CDH23: variants seen among roughly 807,000 people sequenced by gnomAD.
The protein encoded by CDH23 is cadherin-23.
In CDH23, 189 loss-of-function variants were observed where a neutral mutation model predicts 317.1. That is an observed-to-expected ratio of 0.60 (90% CI 0.53 to 0.67). CDH23 has a LOEUF of 0.67. CDH23 is among the 30% of genes least tolerant of loss of function. CDH23 has a pLI of 0.00. For missense variants in CDH23, 4,401 were observed against 4,592.4 expected (o/e 0.96, Z 1.20); for synonymous variants, 1,839 against 1,876.8 (o/e 0.98, Z 0.52).
At chr10:71,428,163 A>G (rs1480628086) in intron 1 of CDH23, among the ~76,000 whole-genome samples, 1 of 140,542 alleles carries the variant, frequency 7.1e-6, no homozygotes, top group Non-Finnish European at 1.5e-5. Flanking sequence ...TTTTTGAAAC[A>G]GAGTCTCATT....
At chr10:71,542,202 G>T (rs75664630) in intron 6 of CDH23, among the ~76,000 whole-genome samples, 1 of 152,172 alleles carries the variant, frequency 6.6e-6, no homozygotes, top group Non-Finnish European at 1.5e-5. Flanking sequence ...GAAAGGTGGC[G>T]TAGCTTAGTA....
At chr10:71,775,239 G>A (rs1840790183) in intron 38 of CDH23, among the ~76,000 whole-genome samples, 1 of 152,134 alleles carries the variant, frequency 6.6e-6, no homozygotes, top group Admixed American at 6.5e-5. Flanking sequence ...AAGTGAGGGG[G>A]GTCCCTTAAG....
At chr10:71,774,760 C>T (rs1351508766) in intron 38 of CDH23, among the ~76,000 whole-genome samples, 1 of 152,156 alleles carries the variant, frequency 6.6e-6, no homozygotes, top group Non-Finnish European at 1.5e-5. Context: ...GTTTTTCTGG[C>T]ACTTTAGGGA....
Position 71,687,717 on chromosome 10 carries a change from C to T in CDH23, c.2057C>T (p.Ala686Val), listed in dbSNP as rs2132694978. The T allele has an allele frequency of 6.2e-7, 1 of 1,613,586 alleles. No individual in the cohort carries two copies. Among genetic ancestry groups the T allele is most frequent in the Non-Finnish European group, 8.5e-7 (1 of 1,179,752 alleles). The change falls in exon 19 of 70, where the codon GCA becomes GTA. Residue 686 changes from alanine to valine, a missense_variant and splice_region_variant. Physicochemically the swap from Ala to Val is moderately conservative, Grantham distance 64. Transcript: ENST00000224721. ...GTCTCCGTGGTGGAGAACATCATGG[C>T]AGGTACAGGCTCAGGTCGGGGGGTG... ...YFVSVVENIM[A>V]GATVLFLNAT...
intron 3 of CDH23, among the ~76,000 whole-genome samples, chr10:71,479,074 C>T (rs1283406807): frequency 6.6e-6 from 1 of 152,086 alleles, no homozygotes; most frequent in Non-Finnish European, 1.5e-5. Context: ...GTCCTCAGAA[C>T]AGCCTTGAGA....
Position 71,812,396 on chromosome 10 carries a change from G to A in CDH23, c.9381-84G>A, listed in dbSNP as rs369141960. ...AAGGCACTATATGGCCAGGGAAATGGGCAGGATGTGGGGTGAGGCTGGAAG... is the reference window on the plus strand; with the variant it reads ...AAGGCACTATATGGCCAGGGAAATGAGCAGGATGTGGGGTGAGGCTGGAAG... On this transcript the variant is annotated intron_variant, in intron 66 of 69. Coordinates refer to ENST00000224721, the MANE Select transcript of CDH23 (RefSeq NM_022124.6). The A allele has an allele frequency of 3.7e-6, 6 of 1,606,622 alleles. 1 individual carries two copies. In the Middle Eastern group the frequency reaches 4.9e-4, roughly 133 times the overall value.
Position 71,790,431 on chromosome 10 carries a change from C to G in CDH23, c.6049+18C>G, listed in dbSNP as rs368967159. On this transcript the variant is annotated intron_variant, in intron 46 of 69. Coordinates refer to ENST00000224721, the MANE Select transcript of CDH23 (RefSeq NM_022124.6). ...CAGCACCGGTGAGGCCTCTGTGCCACCCAGCACTCCCAGCCTGATTCTGGG... is the reference window on the plus strand; with the variant it reads ...CAGCACCGGTGAGGCCTCTGTGCCAGCCAGCACTCCCAGCCTGATTCTGGG... 1.4e-4 allele frequency: 224 copies of G among 1,609,366 alleles called. No individual in the cohort carries two copies. In the African/African-American group the frequency reaches 2.8e-3, roughly 20 times the overall value.
chr10:71,700,703 T>TG (rs1589348459), intron 22 of CDH23, among the ~76,000 whole-genome samples: 1 of 151,384 alleles, frequency 6.6e-6, no homozygotes, highest in Non-Finnish European at 1.5e-5. Context: ...CTGGTGGGAG[T>TG]GGGGGCTGCC....
Position 71,590,891 on chromosome 10 carries a change from A to C in CDH23, c.832+12899A>C, listed in dbSNP as rs1461351365. Among the ~76,000 whole-genome samples, 252 of 143,328 alleles carry C rather than the reference A, an allele frequency of 1.8e-3. 4 individuals are homozygous for C. Among genetic ancestry groups the C allele is most frequent in the African/African-American group, 6.2e-3 (245 of 39,740 alleles). The allele number at this position is 143,328 out of a possible 152,430, so 94.0% of individuals were successfully genotyped here. On this transcript the variant is annotated intron_variant, in intron 9 of 69. Coordinates refer to ENST00000224721, the MANE Select transcript of CDH23 (RefSeq NM_022124.6). ...CTGTCTCTAAAAAAAAAAAAACAAAAAAAAACAAAAAAAAACACCAGTCTC... is the reference window on the plus strand; with the variant it reads ...CTGTCTCTAAAAAAAAAAAAACAAACAAAAACAAAAAAAAACACCAGTCTC...
chr10:71,815,338 CA>C lies in CDH23; in HGVS notation c.*62del. The C allele has an allele frequency of 1.4e-6, 2 of 1,457,274 alleles. No homozygotes were observed. Among genetic ancestry groups the C allele is most frequent in the Non-Finnish European group, 1.8e-6 (2 of 1,088,972 alleles). The allele number at this position is 1,457,274 out of a possible 1,614,324, so 90.3% of individuals were successfully genotyped here. On this transcript the variant is annotated 3_prime_UTR_variant, in exon 70 of 70. Coordinates refer to ENST00000224721, the MANE Select transcript of CDH23 (RefSeq NM_022124.6). ...CCATCCACCGTCCCCTCCCAGGGAGCAAGGGCAGGGACAGGGCCGGTCGGGG... is the reference window on the plus strand; with the variant it reads ...CCATCCACCGTCCCCTCCCAGGGAGCAGGGCAGGGACAGGGCCGGTCGGGG...
intron 11 of CDH23, among the ~76,000 whole-genome samples, chr10:71,638,646 C>T (rs973581948): frequency 2.6e-5 from 4 of 152,172 alleles, no homozygotes; most frequent in East Asian, 1.9e-4. Context: ...GGTTAAGTAG[C>T]GGAAATATCA....
At chr10:71,812,386 C>G (rs1449936329) in intron 66 of CDH23, 94 bp from the exon 67 acceptor site, 1 of 1,604,786 alleles carries the variant, frequency 6.2e-7, no homozygotes, top group Admixed American at 1.7e-5. Context: ...ACTATATGGC[C>G]AGGGAAATGG....
chr10:71,730,738 G>A, intron 31 of CDH23, 134 bp downstream of exon 31: 1 of 1,325,892 alleles, frequency 7.5e-7, no homozygotes, highest in Non-Finnish European at 1.0e-6. Context: ...CCAGGGAGGG[G>A]CTGCTGGGAT....
chr10:71,674,137 G>T (rs1214005861), intron 14 of CDH23, among the ~76,000 whole-genome samples: 1 of 152,188 alleles, frequency 6.6e-6, no homozygotes, highest in Non-Finnish European at 1.5e-5. Context: ...GGATAACTAA[G>T]ATCTTAATCC....
intron 6 of CDH23, among the ~76,000 whole-genome samples, chr10:71,548,670 T>C (rs1856421330): frequency 6.6e-6 from 1 of 152,166 alleles, no homozygotes; most frequent in African/African-American, 2.4e-5. Context: ...AGTAGTACAG[T>C]CCTCAGGGTA....
intron 8 of CDH23, among the ~76,000 whole-genome samples, chr10:71,574,106 C>T (rs772291078): frequency 7.9e-5 from 12 of 152,074 alleles, no homozygotes; most frequent in Non-Finnish European, 1.5e-4. Context: ...GGCCAGAGGA[C>T]CCCAGCACCC....
chr10:71,641,559 G>A (rs1862552593), intron 11 of CDH23, among the ~76,000 whole-genome samples: 1 of 152,208 alleles, frequency 6.6e-6, no homozygotes, highest in African/African-American at 2.4e-5. Flanking sequence ...TCAAAAGGTG[G>A]CTTCAGATCA....
chr10:71,814,273 G>C (rs1842043466), intron 69 of CDH23, among the ~76,000 whole-genome samples: 1 of 152,240 alleles, frequency 6.6e-6, no homozygotes, highest in Non-Finnish European at 1.5e-5. Context: ...TTCTCAGCCA[G>C]ATGTGGTGGC....
intron 52 of CDH23, 136 bp downstream of exon 52, chr10:71,799,765 C>A: frequency 1.7e-6 from 2 of 1,180,888 alleles, no homozygotes; most frequent in Non-Finnish European, 2.4e-6. Context: ...GGTTCTTTAG[C>A]CAAGTCAGCA....
Sources: gnomAD v4.1 joint callset for allele counts (sites outside exome capture counted in the v4.1 genomes callset) on GRCh38, gnomAD v4.1.1 for gene constraint, MANE v1.5 for transcripts, NCBI Gene and HGNC (gene_info 2026-07-23, HGNC 2026-07-21) for gene names.